DPYD: variants seen among roughly 807,000 people sequenced by gnomAD.
DPYD encodes the protein dihydropyrimidine dehydrogenase [NADP(+)].
In DPYD, 109 loss-of-function variants were observed where a neutral mutation model predicts 116.2. The ratio of observed to expected loss-of-function variants is 0.94; its 90% CI spans 0.80 to 1.10. The LOEUF (loss-of-function observed/expected upper bound fraction) is 1.10. Among genes scored for constraint, DPYD ranks in the 50% least tolerant of loss-of-function variants. The pLI is 0.00. For missense variants in DPYD, 1,302 were observed against 1,254.5 expected, an observed-to-expected ratio of 1.04 and a Z score of -0.57; for synonymous variants, 440 against 432.0, an observed-to-expected ratio of 1.02 and a Z score of -0.23.
rs114781068 is a variant in DPYD, at chr1:97,757,579, T to C, written c.234-17100A>G. The stretch of plus-strand genomic sequence containing the variant: ...GATAACGATGCCATTGTTTGGCTTT[T>C]GAGGATATGCGTTCCTATCTTGAAA... On this transcript the variant is annotated intron_variant, in intron 3 of 22. Coordinates refer to ENST00000370192, the MANE Select transcript of DPYD (RefSeq NM_000110.4). 6.6e-3 allele frequency among the ~76,000 whole-genome samples: 1,001 copies of C among 152,290 alleles called. 16 individuals carry two copies. The highest frequency in any genetic ancestry group is 0.023 in the African/African-American group (941 of 41,560).
intron 8 of DPYD, among the ~76,000 whole-genome samples, chr1:97,643,866 A>T (rs971431143): frequency 2.6e-5 from 4 of 152,068 alleles, no homozygotes; most frequent in Non-Finnish European, 5.9e-5. Flanking sequence ...TCTCACTCAT[A>T]AGTGGGAGTT....
rs1224376745 is a variant in DPYD at position 97,202,405 on chromosome 1, T to C, written c.2443-9157A>G. Among the ~76,000 whole-genome samples the C allele has an allele frequency of 4.6e-5, 7 of 152,140 alleles. No individual in the cohort carries two copies. The South Asian group carries it at 8.3e-4, about 18-fold the overall frequency. ...GAAGGAACTTTATGTAGCCTGAAAGTCTATTTTTCAGTGTAACTCTGTGGT... is the reference window on the plus strand; with the variant it reads ...GAAGGAACTTTATGTAGCCTGAAAGCCTATTTTTCAGTGTAACTCTGTGGT... On this transcript the variant is annotated intron_variant, in intron 19 of 22. Transcript: ENST00000370192.
At chr1:97,163,618 C>T (rs994422057) in intron 20 of DPYD, among the ~76,000 whole-genome samples, 6 of 152,126 alleles carry the variant, frequency 3.9e-5, no homozygotes, top group South Asian at 2.1e-4. Context: ...TTCTAGATAG[C>T]GCCTTGTTGC....
intron 16 of DPYD, among the ~76,000 whole-genome samples, chr1:97,344,555 ATTTT>A (rs1025002448): frequency 6.6e-6 from 1 of 151,314 alleles, no homozygotes; most frequent in African/African-American, 2.4e-5. Flanking sequence ...TTAACATTCA[ATTTT>A]TTTCTCTTTA....
At chr1:97,364,636 A>G (rs1342908689) in intron 16 of DPYD, among the ~76,000 whole-genome samples, 2 of 152,170 alleles carry the variant, frequency 1.3e-5, no homozygotes, top group East Asian at 3.9e-4. Flanking sequence ...AAAATTTTCA[A>G]TAAGATCTCT....
At chr1:97,323,723 T>C (rs547998224) in intron 16 of DPYD, among the ~76,000 whole-genome samples, 10 of 147,138 alleles carry the variant, frequency 6.8e-5, no homozygotes, top group East Asian at 4.0e-4. Context: ...CACACACACA[T>C]ATATATACAT....
chr1:97,477,601 C>A (rs887372659), intron 13 of DPYD, among the ~76,000 whole-genome samples: 5 of 124,472 alleles, frequency 4.0e-5, no homozygotes, highest in Non-Finnish European at 6.5e-5. Context: ...CATGACTGTT[C>A]TTCTTTTTTT....
At chr1:97,235,496 C>A (rs1318932180) in intron 18 of DPYD, among the ~76,000 whole-genome samples, 1 of 152,000 alleles carries the variant, frequency 6.6e-6, no homozygotes, top group Non-Finnish European at 1.5e-5. Context: ...TGGTGGCAGG[C>A]TCCTGTAATC....
intron 8 of DPYD, among the ~76,000 whole-genome samples, chr1:97,661,218 G>T (rs1260238491): frequency 6.6e-6 from 1 of 152,094 alleles, no homozygotes; most frequent in Non-Finnish European, 1.5e-5. Context: ...GAGTTGTAAT[G>T]AACTCATTAT....
Position 97,445,725 on chromosome 1 carries a change from A to ATTT in DPYD, c.1905+4331_1905+4333dup, listed in dbSNP as rs35500519. Among the ~76,000 whole-genome samples the ATTT allele has an allele frequency of 2.3e-4, 32 of 138,404 alleles. 1 individual carries two copies. The highest frequency in any genetic ancestry group is 5.7e-4 in the African/African-American group (21 of 37,046). 90.8% of individuals were successfully genotyped at this position (138,404 alleles called of 152,430 possible). On this transcript the variant is annotated intron_variant, in intron 14 of 22. Transcript: ENST00000370192. ...CCTTTCTAAATGTATAAATTGTCTG[A>ATTT]TTTTTTTTTTTTTTTTGGAGATTGA...
At chr1:97,689,035 G>T (rs1660877880) in intron 7 of DPYD, among the ~76,000 whole-genome samples, 1 of 148,380 alleles carries the variant, frequency 6.7e-6, no homozygotes. Flanking sequence ...TCCCATTTCA[G>T]AGACAAGAAA....
At chr1:97,203,931 A>G (rs1162576015) in intron 19 of DPYD, among the ~76,000 whole-genome samples, 1 of 152,014 alleles carries the variant, frequency 6.6e-6, no homozygotes, top group Non-Finnish European at 1.5e-5. Context: ...TAGTTAATCT[A>G]TAATTGATAA....
intron 20 of DPYD, among the ~76,000 whole-genome samples, chr1:97,132,262 A>G (rs972326219): frequency 6.6e-6 from 1 of 152,144 alleles, no homozygotes; most frequent in Non-Finnish European, 1.5e-5. Context: ...ACTTCAGTGT[A>G]AGAACTGTTA....
At chr1:97,804,409 T>C (rs1667985772) in intron 3 of DPYD, among the ~76,000 whole-genome samples, 1 of 151,806 alleles carries the variant, frequency 6.6e-6, no homozygotes, top group African/African-American at 2.4e-5. Context: ...TCCCATAATA[T>C]AAAGTCCTAA....
At chr1:97,385,552 TAAC>T (rs60806881) in intron 14 of DPYD, among the ~76,000 whole-genome samples, 15,692 of 146,618 alleles carry the variant, frequency 0.11, 1,065 homozygotes, top group South Asian at 0.26. Flanking sequence ...AATAAAACAA[TAAC>T]AACAACAACC....
chr1:97,193,463 C>T (rs41313397), intron 19 of DPYD, among the ~76,000 whole-genome samples: 2 of 152,220 alleles, frequency 1.3e-5, no homozygotes, highest in South Asian at 2.1e-4. Flanking sequence ...TTTTCATAAA[C>T]TTGCAATGGT....
At chr1:97,815,005 GGGAAAA>G (rs1453137615) in intron 3 of DPYD, among the ~76,000 whole-genome samples, 13 of 148,868 alleles carry the variant, frequency 8.7e-5, no homozygotes, top group African/African-American at 3.0e-4. Flanking sequence ...AAAAGGGAAA[GGGAAAA>G]GGAAAAGGAA....
At chr1:97,660,647 C>A (rs1042724360) in intron 8 of DPYD, among the ~76,000 whole-genome samples, 1 of 152,072 alleles carries the variant, frequency 6.6e-6, no homozygotes, top group Non-Finnish European at 1.5e-5. Flanking sequence ...CCCCACCAAC[C>A]TTTAGATTCT....
intron 19 of DPYD, among the ~76,000 whole-genome samples, chr1:97,193,586 A>G (rs965744106): frequency 6.6e-6 from 1 of 152,204 alleles, no homozygotes; most frequent in African/African-American, 2.4e-5. Context: ...AACATAATAA[A>G]GGACATTTAA....
Sources: allele counts gnomAD v4.1 joint callset (sites outside exome capture counted in the v4.1 genomes callset), GRCh38; gene constraint gnomAD v4.1.1; transcripts MANE v1.5; gene names NCBI Gene and HGNC (gene_info 2026-07-23, HGNC 2026-07-21).